The following CD55 variants were observed in gnomAD, a reference collection of about 807,000 sequenced individuals.
CD55 encodes the protein CD55 molecule (Cromer blood group).
Under a neutral mutation model 45.8 loss-of-function variants are expected in CD55, and 41 were observed. That is an observed-to-expected ratio of 0.90 (90% CI 0.70 to 1.16). The LOEUF is 1.16. CD55 is among the 50% of genes most tolerant of loss of function. The pLI, the probability that CD55 is intolerant of heterozygous loss-of-function variation, is 0.00. For synonymous variants in CD55, 181 were observed against 181.1 expected, an observed-to-expected ratio of 1.00 and a Z score of 0.01; for missense variants, 416 against 469.8, an observed-to-expected ratio of 0.89 and a Z score of 1.06.
intron 8 of CD55, among the ~76,000 whole-genome samples, chr1:207,338,920 G>T (rs1332866493): frequency 6.6e-6 from 1 of 152,070 alleles, no homozygotes; most frequent in Non-Finnish European, 1.5e-5. Flanking sequence ...TTATCTGAAA[G>T]TAAATTTATT....
At chr1:207,357,603 A>C (rs965294302) in intron 9 of CD55, among the ~76,000 whole-genome samples, 1 of 152,008 alleles carries the variant, frequency 6.6e-6, no homozygotes, top group African/African-American at 2.4e-5. Context: ...GGGCAGCAAG[A>C]TGTGATAAGT....
chr1:207,327,670 T>G (rs1303163423), intron 5 of CD55, among the ~76,000 whole-genome samples: 1 of 152,130 alleles, frequency 6.6e-6, no homozygotes, highest in Non-Finnish European at 1.5e-5. Flanking sequence ...TAAGTTAAAG[T>G]TTTTGTATGT....
chr1:207,334,185 T>C (rs1164196437), intron 6 of CD55, among the ~76,000 whole-genome samples: 1 of 152,138 alleles, frequency 6.6e-6, no homozygotes, highest in Non-Finnish European at 1.5e-5. Context: ...GTATAACTGA[T>C]TACTGCTCAG....
At chr1:207,334,464 T>C (rs763517393) in intron 6 of CD55, among the ~76,000 whole-genome samples, 8 of 152,152 alleles carry the variant, frequency 5.3e-5, no homozygotes, top group Non-Finnish European at 1.0e-4. Flanking sequence ...GTGACAAGGA[T>C]AAATGAATAC....
At chr1:207,334,607 A>G (rs2102402958) in intron 6 of CD55, among the ~76,000 whole-genome samples, 1 of 152,312 alleles carries the variant, frequency 6.6e-6, no homozygotes, top group Admixed American at 6.5e-5. Flanking sequence ...CAGTACTGAA[A>G]AGGTGGTAAA....
chr1:207,328,553 G>A (rs1367349644), intron 5 of CD55, among the ~76,000 whole-genome samples: 1 of 152,210 alleles, frequency 6.6e-6, no homozygotes, highest in Non-Finnish European at 1.5e-5. Context: ...AGAAAACAGA[G>A]GTGCTGCTAG....
chr1:207,345,881 G>A (rs1558154755), intron 9 of CD55, among the ~76,000 whole-genome samples: 1 of 152,174 alleles, frequency 6.6e-6, no homozygotes, highest in Non-Finnish European at 1.5e-5. Context: ...AGTGCTTTAG[G>A]ATGCGGTTAC....
At chr1:207,347,459 A>G in intron 9 of CD55, 1 of 344,472 alleles carries the variant, frequency 2.9e-6, no homozygotes, top group South Asian at 2.3e-5. Context: ...ACGGTGTTTC[A>G]CCGTGTTATC....
intron 7 of CD55, 145 bp from the exon 8 acceptor site, chr1:207,337,184 G>A: frequency 1.5e-6 from 1 of 646,342 alleles, no homozygotes; most frequent in Non-Finnish European, 2.8e-6. Flanking sequence ...TGCTACACAG[G>A]CCACACTAAC....
chr1:207,327,488 T>G (rs994232575), intron 5 of CD55, among the ~76,000 whole-genome samples: 1 of 152,162 alleles, frequency 6.6e-6, no homozygotes, highest in African/African-American at 2.4e-5. Flanking sequence ...TGGATATATA[T>G]CCAGTCAAAT....
At chr1:207,340,358 C>CT (rs952271040) in intron 9 of CD55, 24 of 443,672 alleles carry the variant, frequency 5.4e-5, no homozygotes, top group Non-Finnish European at 7.6e-5. Context: ...TCTTTCTTTT[C>CT]TTTTTTTTAT....
intron 8 of CD55, among the ~76,000 whole-genome samples, chr1:207,338,307 T>C (rs1315129291): frequency 2.6e-5 from 4 of 152,212 alleles, no homozygotes; most frequent in Admixed American, 2.6e-4. Context: ...GTGGCTTACA[T>C]TGATTAATTT....
At chr1:207,323,603 TAA>T (rs1449877520) in intron 2 of CD55, among the ~76,000 whole-genome samples, 1 of 152,154 alleles carries the variant, frequency 6.6e-6, no homozygotes, top group Non-Finnish European at 1.5e-5. Flanking sequence ...GAGATAAAGA[TAA>T]AGAGACCCGA....
chr1:207,329,485 A>G (rs1654843431), intron 5 of CD55, among the ~76,000 whole-genome samples: 1 of 152,212 alleles, frequency 6.6e-6, no homozygotes, highest in Admixed American at 6.5e-5. Context: ...TATCACTTAA[A>G]AAGCCCAAAT....
In CD55 at chr1:207,322,451, A is replaced by G. The variant is rs1310036071; in HGVS notation, c.170A>G (p.Glu57Gly). ...TTGGAAGGCCGTACAAGTTTTCCCG[A>G]GGATACTGTAATAACGTACAAATGT... ...PALEGRTSFPEDTVITYKCEE... is the reference protein window; with the variant it reads ...PALEGRTSFPGDTVITYKCEE... Residue 57 changes from glutamate (E) to glycine (G), a missense_variant, in exon 2 of 10, where the codon GAG becomes GGG. Physicochemically the swap from Glu to Gly is moderately conservative, Grantham distance 98. Around this residue, in one of 3 missense-constraint regions of CD55, gnomAD observed 123 missense variants for 105.1 expected, o/e 1.17. Coordinates refer to ENST00000367064, the MANE Select transcript of CD55 (RefSeq NM_000574.5). 2 of 1,614,230 alleles carry G rather than the reference A, an allele frequency of 1.2e-6. No homozygotes were observed. Among genetic ancestry groups the G allele is most frequent in the African/African-American group, 1.3e-5 (1 of 75,050 alleles).
chr1:207,322,560 C>A lies in CD55; in HGVS notation c.279C>A (p.Phe93Leu). The A allele has an allele frequency of 6.2e-7, 1 of 1,600,992 alleles. No homozygotes were observed. Among genetic ancestry groups the A allele is most frequent in the Non-Finnish European group, 8.5e-7 (1 of 1,175,688 alleles). The change falls in exon 2 of 10, where the codon TTC becomes TTA. Residue 93 changes from phenylalanine (F) to leucine (L), a missense_variant. Around this residue, in one of 3 missense-constraint regions of CD55, gnomAD observed 111 missense variants for 163.4 expected, o/e 0.68. Transcript: ENST00000367064. Reference sequence around the variant, plus strand: ...GTCAATGGTCAGATATTGAAGAGTTCTGCAATCGTAAGTTCTTCATCTTTT... The same window carrying A: ...GTCAATGGTCAGATATTGAAGAGTTATGCAATCGTAAGTTCTTCATCTTTT... ...KGSQWSDIEE[F>L]CNRSCEVPTR... is the part of the protein sequence containing the mutation.
intron 8 of CD55, among the ~76,000 whole-genome samples, chr1:207,338,873 G>C (rs1003692918): frequency 2.0e-5 from 3 of 152,074 alleles, no homozygotes; most frequent in African/African-American, 7.2e-5. Context: ...TGTTCACCTC[G>C]CTTAGGAGAG....
At chr1:207,322,053 C>T (rs922919237) in intron 1 of CD55, among the ~76,000 whole-genome samples, 188 bp downstream of exon 1, 6 of 152,200 alleles carry the variant, frequency 3.9e-5, no homozygotes, top group African/African-American at 9.7e-5. Flanking sequence ...CTGTGTCGGC[C>T]CCCAGCTGAC....
intron 2 of CD55, among the ~76,000 whole-genome samples, chr1:207,323,292 G>T (rs911824537): frequency 6.6e-6 from 1 of 151,514 alleles, no homozygotes; most frequent in Admixed American, 6.6e-5. Flanking sequence ...TATAGGGAGA[G>T]AGATATATAT....
Sources: gnomAD v4.1 joint callset for allele counts (sites outside exome capture counted in the v4.1 genomes callset) on GRCh38, gnomAD v4.1.1 for gene constraint, gnomAD v4.1.1 regional missense constraint, MANE v1.5 for transcripts, NCBI Gene and HGNC (gene_info 2026-07-23, HGNC 2026-07-21) for gene names.